KCNAB1: variants seen among roughly 807,000 people sequenced by gnomAD.
KCNAB1 encodes voltage-gated potassium channel subunit beta-1.
KCNAB1 carries 35 observed loss-of-function variants against 64.6 expected under a neutral mutation model. The observed-to-expected ratio is 0.54, with a 90% confidence interval of 0.41 to 0.72. KCNAB1 has a LOEUF of 0.72. Ranked by LOEUF, KCNAB1 falls within the 30% of genes least tolerant of loss-of-function variation. The pLI is 0.00. For missense variants in KCNAB1, 401 were observed against 512.9 expected, an observed-to-expected ratio of 0.78 and a Z score of 2.11; for synonymous variants, 177 against 183.8, an observed-to-expected ratio of 0.96 and a Z score of 0.30.
rs1214171463 is a variant in KCNAB1 at position 156,487,998 on chromosome 3, C to G, written c.658+13178C>G. On this transcript the variant is annotated intron_variant, in intron 8 of 13. Coordinates refer to ENST00000490337, the MANE Select transcript of KCNAB1 (RefSeq NM_172160.3). ...GATCAAATGTTGCAAGACCCTGTCT[C>G]AAAAACCCTACGTAATGCATTTTAA... 4.6e-5 allele frequency among the ~76,000 whole-genome samples: 7 copies of G among 152,096 alleles called. No individual in the cohort carries two copies. The East Asian group carries it at 1.4e-3, about 29-fold the overall frequency.
intron 1 of KCNAB1, among the ~76,000 whole-genome samples, chr3:156,415,137 A>T (rs1410849165): frequency 1.3e-5 from 2 of 152,132 alleles, no homozygotes; most frequent in East Asian, 3.8e-4. Context: ...AACTGAGAGG[A>T]TCATTAGGCC....
chr3:156,520,695 A>G (rs1717887621), intron 11 of KCNAB1, among the ~76,000 whole-genome samples: 1 of 152,280 alleles, frequency 6.6e-6, no homozygotes, highest in South Asian at 2.1e-4. Flanking sequence ...GTTCATATTA[A>G]GAAACTAAGC....
chr3:156,354,707 A>G (rs553257364), intron 1 of KCNAB1, among the ~76,000 whole-genome samples: 7 of 140,922 alleles, frequency 5.0e-5, no homozygotes, highest in Non-Finnish European at 1.1e-4. Context: ...CTGCTTAATC[A>G]AGTGTATCTC....
At chr3:156,319,347 T>C (rs116763644) in intron 1 of KCNAB1, among the ~76,000 whole-genome samples, 2,155 of 152,342 alleles carry the variant, frequency 0.014, 21 homozygotes, top group South Asian at 0.031. Context: ...GGAAGTTCAC[T>C]CTGCATTGTC....
intron 1 of KCNAB1, among the ~76,000 whole-genome samples, chr3:156,341,620 A>ATCTGGGCTG (rs1230228231): frequency 6.6e-6 from 1 of 152,188 alleles, no homozygotes; most frequent in Non-Finnish European, 1.5e-5. Flanking sequence ...GCATCCAGGC[A>ATCTGGGCTG]TCTGGGCTGT....
At chr3:156,459,667 A>G (rs1468266406) in intron 4 of KCNAB1, among the ~76,000 whole-genome samples, 160 bp from the exon 5 acceptor site, 1 of 151,954 alleles carries the variant, frequency 6.6e-6, no homozygotes, top group Non-Finnish European at 1.5e-5. Flanking sequence ...TGCAGGCACA[A>G]GCAGAAACAG....
intron 1 of KCNAB1, among the ~76,000 whole-genome samples, chr3:156,362,240 A>C (rs1033086938): frequency 6.6e-6 from 1 of 152,262 alleles, no homozygotes; most frequent in African/African-American, 2.4e-5. Flanking sequence ...ATTTTCTAAA[A>C]GCGTAATTTT....
rs1560198663 is a variant in KCNAB1 at position 156,329,087 on chromosome 3, A to G, written c.276-92529A>G. 2.6e-5 allele frequency among the ~76,000 whole-genome samples: 4 copies of G among 152,296 alleles called. No individual in the cohort carries two copies. The South Asian group carries it at 6.2e-4, about 24-fold the overall frequency. On this transcript the variant is annotated intron_variant, in intron 1 of 13. Coordinates refer to ENST00000490337, the MANE Select transcript of KCNAB1 (RefSeq NM_172160.3). ...TGCTGCACTTATCTTTTTGCTGGTG[A>G]CAACCTTGTATTCAGCCAGTCAACT...
At chr3:156,516,147 C>T (rs915253472) in intron 10 of KCNAB1, 123 bp from the exon 11 acceptor site, 8 of 639,368 alleles carry the variant, frequency 1.3e-5, no homozygotes, top group Non-Finnish European at 2.2e-5. Context: ...GATATTAACT[C>T]ATTTATCTGG....
intron 1 of KCNAB1, among the ~76,000 whole-genome samples, chr3:156,201,077 T>A (rs1714302313): frequency 6.6e-6 from 1 of 152,190 alleles, no homozygotes; most frequent in Admixed American, 6.5e-5. Context: ...AGAGGCTTCC[T>A]AGCTCCTTGC....
intron 1 of KCNAB1, among the ~76,000 whole-genome samples, chr3:156,403,058 G>GA (rs35092524): frequency 3.3e-5 from 5 of 152,250 alleles, no homozygotes; most frequent in South Asian, 2.1e-4. Flanking sequence ...TAGATATGGG[G>GA]AAAAAATCTA....
chr3:156,359,471 A>G (rs936951996), intron 1 of KCNAB1, among the ~76,000 whole-genome samples: 5 of 152,202 alleles, frequency 3.3e-5, no homozygotes, highest in Non-Finnish European at 5.9e-5. Flanking sequence ...GTGAAGGCCT[A>G]TGACTAAGCA....
At chr3:156,407,323 C>T (rs973212615) in intron 1 of KCNAB1, among the ~76,000 whole-genome samples, 19 of 152,196 alleles carry the variant, frequency 1.2e-4, no homozygotes, top group African/African-American at 3.4e-4. Flanking sequence ...TCCAGGTCCC[C>T]GCTCAAATGC....
At chr3:156,497,279 A>G (rs886117125) in intron 8 of KCNAB1, among the ~76,000 whole-genome samples, 2 of 152,208 alleles carry the variant, frequency 1.3e-5, no homozygotes, top group Admixed American at 1.3e-4. Flanking sequence ...CCTTCCAGAC[A>G]TGTGCCATGG....
At chr3:156,409,122 G>A (rs1243862517) in intron 1 of KCNAB1, among the ~76,000 whole-genome samples, 2 of 152,110 alleles carry the variant, frequency 1.3e-5, no homozygotes, top group Non-Finnish European at 2.9e-5. Flanking sequence ...TGATACTAAA[G>A]TTGAAAATTG....
chr3:156,311,925 G>A (rs1328918638), intron 1 of KCNAB1, among the ~76,000 whole-genome samples: 1 of 152,226 alleles, frequency 6.6e-6, no homozygotes, highest in Admixed American at 6.5e-5. Flanking sequence ...TCTGCAGCCT[G>A]TTGACGGCTA....
intron 1 of KCNAB1, among the ~76,000 whole-genome samples, chr3:156,382,982 G>A (rs1015821168): frequency 6.6e-6 from 1 of 152,158 alleles, no homozygotes; most frequent in Non-Finnish European, 1.5e-5. Context: ...TGACAAACTC[G>A]GGCTAGATGA....
chr3:156,359,244 T>C (rs970132909), intron 1 of KCNAB1, among the ~76,000 whole-genome samples: 9 of 152,212 alleles, frequency 5.9e-5, no homozygotes, highest in Admixed American at 1.3e-4. Flanking sequence ...ACTCATCTGC[T>C]TTTCTCTATT....
Position 156,150,225 on chromosome 3 carries a change from A to G in KCNAB1, c.275+29339A>G, listed in dbSNP as rs77366085. ...AGGCGTAGTGAAAGGGGCTTATTCA[A>G]AACAAACAGAACGTGTTATTTCCTA... On this transcript the variant is annotated intron_variant, in intron 1 of 13. Transcript: ENST00000490337. 3.7e-3 allele frequency among the ~76,000 whole-genome samples: 559 copies of G among 152,342 alleles called. 6 individuals are homozygous for G. The highest frequency in any genetic ancestry group is 0.017 in the South Asian group (81 of 4,820).
Sources: gnomAD v4.1 joint callset for allele counts (sites outside exome capture counted in the v4.1 genomes callset) on GRCh38, gnomAD v4.1.1 for gene constraint, MANE v1.5 for transcripts, NCBI Gene and HGNC (gene_info 2026-07-23, HGNC 2026-07-21) for gene names.